The following DNAJC12 variants were observed in gnomAD, a reference collection of about 807,000 sequenced individuals.
DNAJC12 encodes the protein dnaJ homolog subfamily C member 12.
In DNAJC12, 25 loss-of-function variants were observed where a neutral mutation model predicts 28.5. The ratio of observed to expected loss-of-function variants is 0.88; its 90% CI spans 0.64 to 1.22. The LOEUF (loss-of-function observed/expected upper bound fraction) is 1.22. Ranked by LOEUF, DNAJC12 falls within the 50% of genes most tolerant of loss-of-function variation. The probability of loss-of-function intolerance (pLI) is 0.00; values close to 1 mark genes in which losing one functional copy is unlikely to be tolerated. For missense variants in DNAJC12, 222 were observed against 231.7 expected, an observed-to-expected ratio of 0.96 and a Z score of 0.27; for synonymous variants, 77 against 80.6, an observed-to-expected ratio of 0.95 and a Z score of 0.24.
intron 4 of DNAJC12, among the ~76,000 whole-genome samples, chr10:67,802,539 G>T (rs80150326): frequency 0.023 from 3,445 of 152,106 alleles, 136 homozygotes; most frequent in African/African-American, 0.079. Flanking sequence ...CATTTTATTT[G>T]TTCTTCAGAC....
chr10:67,824,235 TAAAA>T (rs11351546), intron 1 of DNAJC12, among the ~76,000 whole-genome samples: 5 of 135,964 alleles, frequency 3.7e-5, no homozygotes, highest in African/African-American at 8.1e-5. Context: ...GAGTCTGTCT[TAAAA>T]AAAAAAAAAA....
intron 1 of DNAJC12, among the ~76,000 whole-genome samples, chr10:67,830,515 G>C (rs1842082370): frequency 7.0e-6 from 1 of 143,448 alleles, no homozygotes; most frequent in Non-Finnish European, 1.5e-5. Context: ...GGCTGAGGCA[G>C]AAGAACGGCG....
chr10:67,808,524 T>C (rs1841825957), intron 3 of DNAJC12: 1 of 152,160 alleles, frequency 6.6e-6, no homozygotes, highest in Non-Finnish European at 1.5e-5. Flanking sequence ...GCAGCACATA[T>C]ACCAAAATTG....
chr10:67,813,823 C>A (rs561311996), intron 2 of DNAJC12, among the ~76,000 whole-genome samples: 1 of 150,200 alleles, frequency 6.7e-6, no homozygotes, highest in African/African-American at 2.4e-5. Context: ...AAAGAAGGAA[C>A]TACACAATAT....
intron 2 of DNAJC12, among the ~76,000 whole-genome samples, chr10:67,812,855 A>AC (rs1236845219): frequency 6.6e-6 from 1 of 151,022 alleles, no homozygotes; most frequent in Non-Finnish European, 1.5e-5. Flanking sequence ...CCATCTCAAA[A>AC]AAAAAAAACA....
At chr10:67,810,086 G>A (rs746732694) in intron 3 of DNAJC12, among the ~76,000 whole-genome samples, 4 of 152,100 alleles carry the variant, frequency 2.6e-5, no homozygotes, top group Non-Finnish European at 4.4e-5. Flanking sequence ...AGCATGACTG[G>A]GAGGCCTCAG....
At chr10:67,830,610 A>AAAATAAAT (rs71006172) in intron 1 of DNAJC12, among the ~76,000 whole-genome samples, 2,604 of 144,862 alleles carry the variant, frequency 0.018, 38 homozygotes, top group African/African-American at 0.031. Flanking sequence ...TCCGTCTCAA[A>AAAATAAAT]AAATAAATAA....
chr10:67,816,984 C>T (rs1451062002), intron 2 of DNAJC12, among the ~76,000 whole-genome samples: 4 of 152,070 alleles, frequency 2.6e-5, no homozygotes, highest in African/African-American at 9.7e-5. Flanking sequence ...ATAGCAAAGT[C>T]AGTCCTGTCT....
chr10:67,802,950 C>A (rs950229496), intron 4 of DNAJC12, among the ~76,000 whole-genome samples: 16 of 145,314 alleles, frequency 1.1e-4, no homozygotes, highest in African/African-American at 2.0e-4. Context: ...TCCCCCCCCA[C>A]ACACACACCC....
At chr10:67,803,604 A>G (rs756616437) in intron 4 of DNAJC12, among the ~76,000 whole-genome samples, 36 of 152,368 alleles carry the variant, frequency 2.4e-4, no homozygotes, top group Non-Finnish European at 3.7e-4. Context: ...AGGCCTCAGC[A>G]TCATGCCTGA....
intron 1 of DNAJC12, among the ~76,000 whole-genome samples, chr10:67,835,748 A>ACACACACG (rs34488359): frequency 1.8e-4 from 3 of 16,258 alleles, no homozygotes; most frequent in African/African-American, 4.3e-4. Context: ...ACACACACAC[A>ACACACACG]TATATATAAA....
At chr10:67,829,940 T>C (rs911942973) in intron 1 of DNAJC12, among the ~76,000 whole-genome samples, 1 of 152,028 alleles carries the variant, frequency 6.6e-6, no homozygotes, top group Non-Finnish European at 1.5e-5. Context: ...GTAAGTATTA[T>C]GTGCAATTTA....
chr10:67,816,036 T>C (rs963469659), intron 2 of DNAJC12: 1 of 398,354 alleles, frequency 2.5e-6, no homozygotes, highest in African/African-American at 2.1e-5. Context: ...AGGTAAACAC[T>C]TGCCAGTTCT....
At chr10:67,820,022 A>G (rs112749264) in intron 2 of DNAJC12, among the ~76,000 whole-genome samples, 2,372 of 152,250 alleles carry the variant, frequency 0.016, 69 homozygotes, top group African/African-American at 0.054. Flanking sequence ...CTCTTGTTAG[A>G]TGGGACACAT....
chr10:67,809,105 A>C (rs941114552), intron 3 of DNAJC12, among the ~76,000 whole-genome samples: 4 of 152,224 alleles, frequency 2.6e-5, no homozygotes, highest in Non-Finnish European at 5.9e-5. Context: ...TGTTTCTATT[A>C]ACTCTTTATA....
chr10:67,826,631 T>C (rs1274925179), intron 1 of DNAJC12, among the ~76,000 whole-genome samples: 1 of 129,330 alleles, frequency 7.7e-6, no homozygotes, highest in Non-Finnish European at 1.6e-5. Context: ...ATATATATCA[T>C]TATATATAAG....
intron 3 of DNAJC12, among the ~76,000 whole-genome samples, chr10:67,809,632 A>G (rs544290797): frequency 7.2e-5 from 11 of 152,300 alleles, no homozygotes; most frequent in African/African-American, 2.6e-4. Context: ...TGGTGGATAT[A>G]TACACCATGG....
intron 1 of DNAJC12, among the ~76,000 whole-genome samples, chr10:67,828,810 C>T (rs1842063017): frequency 6.6e-6 from 1 of 151,874 alleles, no homozygotes; most frequent in Non-Finnish European, 1.5e-5. Context: ...TAAGAAGGTC[C>T]AAGAATAAAA....
intron 3 of DNAJC12, chr10:67,808,626 A>AC (rs1841827821): frequency 6.7e-6 from 1 of 149,550 alleles, no homozygotes; most frequent in African/African-American, 2.5e-5. Context: ...CACACACACA[A>AC]ACACACAGGG....
Sources: gnomAD v4.1 joint callset for allele counts (sites outside exome capture counted in the v4.1 genomes callset) on GRCh38, gnomAD v4.1.1 for gene constraint, MANE v1.5 for transcripts, NCBI Gene and HGNC (gene_info 2026-07-23, HGNC 2026-07-21) for gene names.